The following LMO4 variants were observed in gnomAD, a reference collection of about 807,000 sequenced individuals.
LMO4 encodes the protein LIM domain transcription factor LMO4.
In LMO4, 3 loss-of-function variants were observed where a neutral mutation model predicts 18.5. The ratio of observed to expected loss-of-function variants is 0.16; its 90% CI spans 0.07 to 0.42. LMO4 has a LOEUF of 0.42. Among genes scored for constraint, LMO4 ranks in the 10% least tolerant of loss-of-function variants. LMO4 has a pLI of 0.99. For missense variants in LMO4, 121 were observed against 219.9 expected (o/e 0.55, Z 2.84); for synonymous variants, 100 against 88.1 (o/e 1.14, Z -0.76).
intron 2 of LMO4, among the ~76,000 whole-genome samples, chr1:87,334,774 T>C (rs895168170): frequency 6.6e-6 from 1 of 152,092 alleles, no homozygotes; most frequent in African/African-American, 2.4e-5. Context: ...CGGCCAAGTG[T>C]CGATGGGCAG....
In LMO4 at chr1:87,348,671, T is replaced by C; in HGVS notation, c.*3875T>C. On this transcript the variant is annotated 3_prime_UTR_variant, in exon 5 of 5. Coordinates refer to ENST00000370544, the MANE Select transcript of LMO4 (RefSeq NM_006769.4). ...AGCAATGACAAGTCAGGGCTGATTTTTGGAAGGTGAACTTGCAACTTACCT... is the reference window on the plus strand; with the variant it reads ...AGCAATGACAAGTCAGGGCTGATTTCTGGAAGGTGAACTTGCAACTTACCT... 1 of 487,552 alleles carries C rather than the reference T, an allele frequency of 2.1e-6. No homozygotes were observed. The highest frequency in any genetic ancestry group is 1.5e-5 in the South Asian group (1 of 67,370). The allele number at this position is 487,552 out of a possible 1,614,324, so 30.2% of individuals were successfully genotyped here.
At chr1:87,331,822 G>A in intron 1 of LMO4, 191 bp from the exon 2 acceptor site, 2 of 585,328 alleles carry the variant, frequency 3.4e-6, no homozygotes, top group East Asian at 2.8e-5. Flanking sequence ...AAAGTAAACA[G>A]GCGGCTGCTG....
At chr1:87,344,683 A>G in intron 4 of LMO4, 105 bp from the exon 5 acceptor site, 1 of 1,131,328 alleles carries the variant, frequency 8.8e-7, no homozygotes, top group South Asian at 1.3e-5. Context: ...GTAATCTAAT[A>G]AAAGAAGATT....
intron 2 of LMO4, among the ~76,000 whole-genome samples, chr1:87,335,441 G>A (rs1234482888): frequency 6.6e-6 from 1 of 151,832 alleles, no homozygotes; most frequent in Non-Finnish European, 1.5e-5. Context: ...CCAGCCGGCG[G>A]GCGGTCTCGG....
At chr1:87,344,558 C>T (rs961450163) in intron 4 of LMO4, among the ~76,000 whole-genome samples, 7 of 152,142 alleles carry the variant, frequency 4.6e-5, no homozygotes, top group Admixed American at 2.0e-4. Context: ...ACTTTCTGAG[C>T]GTCCATTTAC....
intron 1 of LMO4, 69 bp from the exon 2 acceptor site, chr1:87,331,944 G>T: frequency 1.6e-6 from 2 of 1,281,658 alleles, no homozygotes; most frequent in East Asian, 2.3e-5. Context: ...CTCTCTCTCC[G>T]GCGATTACTA....
In LMO4 at chr1:87,339,620, G is replaced by C; in HGVS notation, c.321G>C (p.Val107=). The change falls in exon 3 of 5, where the codon GTG becomes GTC. Residue 107 remains valine, a synonymous_variant. Transcript: ENST00000370544. ...TCGTCATGAGGGCGCAAGGCAATGT[G>C]TATCATCTTAAGGTAGTATTTGCAT... ...SELVMRAQGN[V]YHLKCFTCST... 6.2e-7 allele frequency: 1 copy of C among 1,608,512 alleles called. No individual in the cohort carries two copies. Among genetic ancestry groups the C allele is most frequent in the South Asian group, 1.1e-5 (1 of 90,894 alleles).
In LMO4 at chr1:87,345,801, A is replaced by G. The variant is rs922466975; in HGVS notation, c.*1005A>G. The G allele has an allele frequency of 5.3e-5, 8 of 152,186 alleles. No individual in the cohort carries two copies. Among genetic ancestry groups the G allele is most frequent in the African/African-American group, 1.2e-4 (5 of 41,438 alleles). 9.4% of individuals were successfully genotyped at this position (152,186 alleles called of 1,614,324 possible). A position where few individuals can be genotyped will look rare whatever the true frequency, so the allele number is the denominator to read the frequency against. On this transcript the variant is annotated 3_prime_UTR_variant, in exon 5 of 5. Coordinates refer to ENST00000370544, the MANE Select transcript of LMO4 (RefSeq NM_006769.4). ...AGTAGTTTCTAACAGGGTCCTTTCT[A>G]TAAGTCAAGAATATTCTGTTAACAG... is the stretch of plus-strand genomic sequence containing the variant.
intron 1 of LMO4, 187 bp from the exon 2 acceptor site, chr1:87,331,826 G>T (rs1650157822): frequency 5.1e-6 from 3 of 585,114 alleles, no homozygotes; most frequent in African/African-American, 3.7e-5. Flanking sequence ...TAAACAGGCG[G>T]CTGCTGCCGG....
In LMO4 at chr1:87,336,977, AACACACACACAC is replaced by A. The variant is rs543810100; in HGVS notation, c.237-2556_237-2545del. Among the ~76,000 whole-genome samples, 6 of 151,768 alleles carry A rather than the reference AACACACACACAC, an allele frequency of 4.0e-5. No individual in the cohort carries two copies. In the South Asian group the frequency reaches 8.3e-4, roughly 21 times the overall value. On this transcript the variant is annotated intron_variant, in intron 2 of 4. Transcript: ENST00000370544. ...CCAGCGCACAGAAACGTTGTGAAAA[AACACACACACAC>A]ACGCACACACAACTTTTCAGAAAAA...
rs149593144 is a variant in LMO4 at position 87,347,219 on chromosome 1, C to T, written c.*2423C>T. ...ATCCACATGCAAGTGATGAAGCCTT[C>T]TCTTTGATGTGCTAAATTGGAGAAG... is the stretch of plus-strand genomic sequence containing the variant. On this transcript the variant is annotated 3_prime_UTR_variant, in exon 5 of 5. Coordinates refer to ENST00000370544, the MANE Select transcript of LMO4 (RefSeq NM_006769.4). The T allele has an allele frequency of 1.7e-4, 26 of 152,286 alleles. No homozygotes were observed. The highest frequency in any genetic ancestry group is 6.3e-4 in the African/African-American group (26 of 41,552). The allele number at this position is 152,286 out of a possible 1,614,324, so 9.4% of individuals were successfully genotyped here. A position where few individuals can be genotyped will look rare whatever the true frequency, so the allele number is the denominator to read the frequency against.
intron 1 of LMO4, among the ~76,000 whole-genome samples, chr1:87,330,720 G>C (rs1419270314): frequency 6.6e-6 from 1 of 152,172 alleles, no homozygotes; most frequent in Non-Finnish European, 1.5e-5. Flanking sequence ...GTCTTGAGCA[G>C]ATAGCCGGGA....
intron 1 of LMO4, 155 bp from the exon 2 acceptor site, chr1:87,331,858 C>CGGTGGT: frequency 4.9e-6 from 3 of 617,086 alleles, no homozygotes; most frequent in South Asian, 2.0e-5. Context: ...TCTTCCCTCT[C>CGGTGGT]CCCCTCAGCC....
intron 4 of LMO4, among the ~76,000 whole-genome samples, 156 bp from the exon 5 acceptor site, chr1:87,344,632 G>A (rs1323321967): frequency 6.6e-6 from 1 of 152,202 alleles, no homozygotes; most frequent in Non-Finnish European, 1.5e-5. Flanking sequence ...CACTGCCAGA[G>A]TAAGTAGCAT....
chr1:87,346,449 A>G lies in LMO4; in HGVS notation c.*1653A>G, dbSNP rs914878345. On this transcript the variant is annotated 3_prime_UTR_variant, in exon 5 of 5. Coordinates refer to ENST00000370544, the MANE Select transcript of LMO4 (RefSeq NM_006769.4). ...ACAACTTCCATCACAGGCTAATAAAACCAGGTGTGTGAACGCTACTATTTT... is the reference window on the plus strand; with the variant it reads ...ACAACTTCCATCACAGGCTAATAAAGCCAGGTGTGTGAACGCTACTATTTT... 1.3e-5 allele frequency: 2 copies of G among 152,184 alleles called. No homozygotes were observed. The highest frequency in any genetic ancestry group is 4.8e-5 in the African/African-American group (2 of 41,448). The allele number at this position is 152,184 out of a possible 1,614,324, so 9.4% of individuals were successfully genotyped here.
chr1:87,330,716 A>G (rs1650113979), intron 1 of LMO4, among the ~76,000 whole-genome samples: 1 of 152,110 alleles, frequency 6.6e-6, no homozygotes, highest in South Asian at 2.1e-4. Flanking sequence ...GAATGTCTTG[A>G]GCAGATAGCC....
At chr1:87,331,686 C>A in intron 1 of LMO4, 1 of 339,494 alleles carries the variant, frequency 2.9e-6, no homozygotes, top group Non-Finnish European at 5.4e-6. Flanking sequence ...GAGGAGGTGC[C>A]GCGAGGGGTG....
intron 1 of LMO4, 114 bp from the exon 2 acceptor site, chr1:87,331,899 C>T: frequency 1.3e-5 from 11 of 857,188 alleles, no homozygotes; most frequent in South Asian, 3.3e-5. Context: ...CTGTTTCCTT[C>T]CAGCAGCTCC....
chr1:87,336,842 C>A (rs906001873), intron 2 of LMO4, among the ~76,000 whole-genome samples: 9 of 152,072 alleles, frequency 5.9e-5, no homozygotes, highest in Admixed American at 4.6e-4. Context: ...AGAAAAGAGC[C>A]CATTATAGTC....
Sources: gnomAD v4.1 joint callset for allele counts (sites outside exome capture counted in the v4.1 genomes callset) on GRCh38, gnomAD v4.1.1 for gene constraint, MANE v1.5 for transcripts, NCBI Gene and HGNC (gene_info 2026-07-23, HGNC 2026-07-21) for gene names.